Variants in WDR27 observed in about 807,000 individuals in gnomAD.
WDR27 encodes WD repeat domain 27.
In WDR27, 100 loss-of-function variants were observed where a neutral mutation model predicts 114.4. That is an observed-to-expected ratio of 0.87 (90% CI 0.74 to 1.03). The LOEUF is 1.03. WDR27 is among the 50% of genes least tolerant of loss of function. The pLI is 0.00. For synonymous variants in WDR27, 449 were observed against 423.1 expected (o/e 1.06, Z -0.75); for missense variants, 1,129 against 1,092.9 (o/e 1.03, Z -0.47).
chr6:169,697,541 G>A (rs779822563), intron 1 of WDR27, among the ~76,000 whole-genome samples: 1 of 152,224 alleles, frequency 6.6e-6, no homozygotes, highest in Non-Finnish European at 1.5e-5. Flanking sequence ...AACCATCTCC[G>A]TGATGCTGTG....
intron 22 of WDR27, among the ~76,000 whole-genome samples, chr6:169,609,464 C>T (rs1190330442): frequency 2.6e-5 from 4 of 152,250 alleles, no homozygotes; most frequent in African/African-American, 4.8e-5. Flanking sequence ...GTAGGCCCAA[C>T]ATGATGTAGA....
chr6:169,455,906 T>C (rs915412471), downstream of WDR27, among the ~76,000 whole-genome samples: 1 of 151,940 alleles, frequency 6.6e-6, no homozygotes. Context: ...TTTTCTTCTT[T>C]GACATTTATT....
intron 24 of WDR27, among the ~76,000 whole-genome samples, chr6:169,577,591 G>A (rs1230089722): frequency 2.0e-5 from 3 of 152,160 alleles, no homozygotes; most frequent in South Asian, 2.1e-4. Context: ...CGGCGCCTCC[G>A]GAAGCCAGAA....
At chr6:169,628,560 T>G (rs1366445346) in intron 21 of WDR27, among the ~76,000 whole-genome samples, 1 of 152,156 alleles carries the variant, frequency 6.6e-6, no homozygotes, top group African/African-American at 2.4e-5. Flanking sequence ...GCCTTTAAAC[T>G]CCTCGTAAAA....
chr6:169,628,314 G>A (rs1232954293), intron 21 of WDR27, among the ~76,000 whole-genome samples: 2 of 152,304 alleles, frequency 1.3e-5, no homozygotes, highest in South Asian at 2.1e-4. Context: ...TCTGTTGCTT[G>A]TAAATATCCC....
intron 25 of WDR27, among the ~76,000 whole-genome samples, chr6:169,493,463 T>C (rs532348526): frequency 6.6e-6 from 1 of 152,234 alleles, no homozygotes; most frequent in Non-Finnish European, 1.5e-5. Context: ...CTCAATCAAC[T>C]GTCTAACAGA....
intron 25 of WDR27, among the ~76,000 whole-genome samples, chr6:169,458,181 A>G (rs766140844): frequency 5.9e-5 from 9 of 152,180 alleles, no homozygotes; most frequent in Non-Finnish European, 1.3e-4. Context: ...ATTCTGGCAC[A>G]TTAGCAGCTC....
chr6:169,461,866 C>A (rs1583568904), intron 25 of WDR27, among the ~76,000 whole-genome samples: 1 of 151,860 alleles, frequency 6.6e-6, no homozygotes, highest in Non-Finnish European at 1.5e-5. Context: ...AAACCTCTAA[C>A]TATATGGACT....
At chr6:169,483,710 G>GAC (rs57809237) in intron 25 of WDR27, among the ~76,000 whole-genome samples, 3,349 of 149,602 alleles carry the variant, frequency 0.022, 72 homozygotes, top group African/African-American at 0.06. Context: ...CACACACACA[G>GAC]ACACACACAC....
chr6:169,645,745 T>G (rs1261915554), intron 16 of WDR27, among the ~76,000 whole-genome samples: 2 of 149,144 alleles, frequency 1.3e-5, no homozygotes, highest in Non-Finnish European at 3.0e-5. Context: ...TAGAAAAGCC[T>G]AGTTCACAGG....
rs189544033 is a variant in WDR27 at position 169,554,393 on chromosome 6, G to A, written c.2645+18026C>T. Reference sequence around the variant, plus strand: ...TGACCAAGAAAATACGAGCAAAGCTGCCCCTGTCGGTGCTTTGCAAGCAAA... The same window carrying A: ...TGACCAAGAAAATACGAGCAAAGCTACCCCTGTCGGTGCTTTGCAAGCAAA... On this transcript the variant is annotated intron_variant, in intron 25 of 25. Coordinates refer to ENST00000448612, the MANE Select transcript of WDR27 (RefSeq NM_182552.5). Among the ~76,000 whole-genome samples the A allele has an allele frequency of 7.2e-5, 11 of 152,328 alleles. No homozygotes were observed. The East Asian group carries it at 1.7e-3, about 24-fold the overall frequency.
At chr6:169,653,647 G>A (rs1245153210) in intron 13 of WDR27, among the ~76,000 whole-genome samples, 1 of 152,190 alleles carries the variant, frequency 6.6e-6, no homozygotes, top group Non-Finnish European at 1.5e-5. Flanking sequence ...GTAACACACT[G>A]GTTAGGTATT....
the WDR27 span, among the ~76,000 whole-genome samples, chr6:169,430,865 A>G: frequency 1.3e-5 from 2 of 152,214 alleles, no homozygotes; most frequent in African/African-American, 4.8e-5. Context: ...TAACCATGGC[A>G]TCATACATAG....
chr6:169,598,464 TA>T (rs1807271172), intron 23 of WDR27, among the ~76,000 whole-genome samples: 1 of 152,156 alleles, frequency 6.6e-6, no homozygotes, highest in Non-Finnish European at 1.5e-5. Context: ...ACTCCCATGG[TA>T]ATGGCATTAA....
At chr6:169,661,045 GC>G (rs1296113877) in intron 9 of WDR27, among the ~76,000 whole-genome samples, 1 of 152,164 alleles carries the variant, frequency 6.6e-6, no homozygotes, top group East Asian at 1.9e-4. Context: ...CTGGCTGTGA[GC>G]TCTCCGCAGG....
the WDR27 span, among the ~76,000 whole-genome samples, chr6:169,429,789 T>C: frequency 6.6e-6 from 1 of 152,200 alleles, no homozygotes; most frequent in Admixed American, 6.5e-5. Context: ...AACTTTGCAT[T>C]TTTAATTTTC....
At chr6:169,475,777 T>C (rs1787059392) in intron 25 of WDR27, among the ~76,000 whole-genome samples, 1 of 152,228 alleles carries the variant, frequency 6.6e-6, no homozygotes, top group Non-Finnish European at 1.5e-5. Context: ...TAATTGCAGT[T>C]CTTGAGCCAC....
intron 25 of WDR27, among the ~76,000 whole-genome samples, chr6:169,475,838 T>C (rs1787071526): frequency 6.6e-6 from 1 of 152,198 alleles, no homozygotes; most frequent in Non-Finnish European, 1.5e-5. Flanking sequence ...TTTAATTCTC[T>C]AATAGGGAAA....
intron 17 of WDR27, among the ~76,000 whole-genome samples, chr6:169,639,030 G>A (rs375358100): frequency 7.7e-6 from 1 of 130,098 alleles, no homozygotes; most frequent in Non-Finnish European, 1.7e-5. Context: ...GTGGTGCTGG[G>A]TACTGCGTGG....
Sources: allele counts gnomAD v4.1 joint callset (sites outside exome capture counted in the v4.1 genomes callset), GRCh38; gene constraint gnomAD v4.1.1; transcripts MANE v1.5; gene names NCBI Gene and HGNC (gene_info 2026-07-23, HGNC 2026-07-21).